The following WWP1 variants were observed in gnomAD, a reference collection of about 807,000 sequenced individuals.
The protein encoded by WWP1 is NEDD4-like E3 ubiquitin-protein ligase WWP1.
WWP1 carries 49 observed loss-of-function variants against 130.6 expected under a neutral mutation model. The ratio of observed to expected loss-of-function variants is 0.38; its 90% CI spans 0.30 to 0.48. WWP1 has a LOEUF of 0.48. Among genes scored for constraint, WWP1 ranks in the 20% least tolerant of loss-of-function variants. The pLI is 0.99. For synonymous variants in WWP1, 332 were observed against 367.8 expected (o/e 0.90, Z 1.11); for missense variants, 809 against 1,100.6 (o/e 0.74, Z 3.75).
chr8:86,409,226 C>CTTTTT (rs1230976832), intron 8 of WWP1, among the ~76,000 whole-genome samples: 569 of 100,522 alleles, frequency 5.7e-3, no homozygotes, highest in African/African-American at 0.012. Flanking sequence ...CTTTTTCTTT[C>CTTTTT]TTTTTTTTTT....
chr8:86,382,551 T>G (rs1379181804), intron 5 of WWP1, among the ~76,000 whole-genome samples: 1 of 152,150 alleles, frequency 6.6e-6, no homozygotes, highest in Non-Finnish European at 1.5e-5. Flanking sequence ...GTACAAAAAT[T>G]AGCTGAATGT....
intron 3 of WWP1, among the ~76,000 whole-genome samples, chr8:86,375,884 C>G (rs983771320): frequency 2.6e-5 from 4 of 152,176 alleles, no homozygotes; most frequent in African/African-American, 9.6e-5. Flanking sequence ...TCTACACCAG[C>G]TATACATGAC....
intron 5 of WWP1, among the ~76,000 whole-genome samples, chr8:86,390,783 C>T (rs964706898): frequency 6.6e-6 from 1 of 151,974 alleles, no homozygotes; most frequent in African/African-American, 2.4e-5. Flanking sequence ...TCTGACCACT[C>T]CCCCATTCTA....
intron 1 of WWP1, 172 bp downstream of exon 1, chr8:86,343,102 C>T (rs1298055179): frequency 3.4e-5 from 9 of 261,878 alleles, no homozygotes; most frequent in Admixed American, 2.2e-4. Context: ...TTCTCCAGCC[C>T]GGGAGTCGGG....
intron 22 of WWP1, among the ~76,000 whole-genome samples, chr8:86,458,713 A>T (rs575391942): frequency 6.6e-6 from 1 of 152,302 alleles, no homozygotes; most frequent in South Asian, 2.1e-4. Context: ...TTTTCAGGTG[A>T]AGAGTAATGC....
At chr8:86,430,948 G>A (rs980017120) in intron 12 of WWP1, among the ~76,000 whole-genome samples, 197 bp downstream of exon 12, 2 of 135,044 alleles carry the variant, frequency 1.5e-5, no homozygotes, top group African/African-American at 5.5e-5. Context: ...TATATATTCT[G>A]TAGAATGTTA....
intron 1 of WWP1, among the ~76,000 whole-genome samples, chr8:86,367,819 G>A (rs1203756460): frequency 6.6e-6 from 1 of 152,168 alleles, no homozygotes. Flanking sequence ...TGTTGTCCCT[G>A]AGGGCTTGTG....
intron 21 of WWP1, among the ~76,000 whole-genome samples, chr8:86,457,574 T>A (rs1418393238): frequency 1.3e-5 from 2 of 151,428 alleles, no homozygotes; most frequent in Non-Finnish European, 2.9e-5. Flanking sequence ...TATAAATCTA[T>A]ATATATAGAT....
At position 86,356,738 on chromosome 8, in the gene WWP1, A is replaced by G. The variant is rs141384149; in HGVS notation, c.-114-12201A>G. On this transcript the variant is annotated intron_variant, in intron 1 of 24. Transcript: ENST00000517970. The stretch of plus-strand genomic sequence containing the variant: ...TCTTTTCTTTCTAATGTTTTCTAGT[A>G]AACATAGTAACTGATATCCTTTCCT... Among the ~76,000 whole-genome samples, 1,321 of 152,320 alleles carry G rather than the reference A, an allele frequency of 8.7e-3. 10 individuals carry two copies. The highest frequency in any genetic ancestry group is 0.014 in the Non-Finnish European group (932 of 68,026).
rs151168868 is a variant in WWP1, at chr8:86,461,271, C to T, written c.2547C>T (p.Phe849=). The T allele has an allele frequency of 3.4e-5, 55 of 1,614,074 alleles. No individual in the cohort carries two copies. Among genetic ancestry groups the T allele is most frequent in the African/African-American group, 2.1e-4 (16 of 75,024 alleles). Residue 849 remains phenylalanine, a synonymous_variant, in exon 23 of 25, where the codon TTC becomes TTT. Transcript: ENST00000517970. The stretch of plus-strand genomic sequence containing the variant: ...AAGTAAGAATGCGACTATTGCAGTT[C>T]GTCACTGGAACCTGCCGTTTACCTC... ...DNEVRMRLLQ[F]VTGTCRLPLG... is the part of the protein sequence containing the mutation.
At chr8:86,396,214 T>A (rs375083198) in intron 5 of WWP1, among the ~76,000 whole-genome samples, 1 of 152,098 alleles carries the variant, frequency 6.6e-6, no homozygotes, top group East Asian at 1.9e-4. Context: ...TTCTCCTGCG[T>A]CAGCCTCCTA....
intron 8 of WWP1, among the ~76,000 whole-genome samples, chr8:86,405,424 G>C (rs1217159577): frequency 6.7e-6 from 1 of 149,584 alleles, no homozygotes; most frequent in Non-Finnish European, 1.5e-5. Context: ...TGGCTACTGT[G>C]CATATCTCTA....
At chr8:86,391,026 C>T (rs964676115) in intron 5 of WWP1, among the ~76,000 whole-genome samples, 1 of 151,362 alleles carries the variant, frequency 6.6e-6, no homozygotes, top group East Asian at 1.9e-4. Flanking sequence ...TTTTTAATTT[C>T]TTCATCCTTG....
intron 9 of WWP1, among the ~76,000 whole-genome samples, chr8:86,419,644 G>T (rs960139500): frequency 6.6e-6 from 1 of 152,176 alleles, no homozygotes; most frequent in African/African-American, 2.4e-5. Flanking sequence ...GTTCTAGAAA[G>T]AGAGAAAATG....
intron 9 of WWP1, among the ~76,000 whole-genome samples, chr8:86,424,791 C>T (rs942577956): frequency 2.3e-5 from 3 of 130,700 alleles, no homozygotes; most frequent in Admixed American, 8.3e-5. Flanking sequence ...AGAGGGAGAG[C>T]GTGGAAAGAG....
At chr8:86,433,900 A>G (rs1358163991) in intron 14 of WWP1, among the ~76,000 whole-genome samples, 1 of 152,114 alleles carries the variant, frequency 6.6e-6, no homozygotes, top group Non-Finnish European at 1.5e-5. Flanking sequence ...CCTAGGCAAC[A>G]AGAGCGAAAC....
rs143984118 is a variant in WWP1 at position 86,375,928 on chromosome 8, G to A, written c.70+1808G>A. Among the ~76,000 whole-genome samples, 486 of 152,288 alleles carry A rather than the reference G, an allele frequency of 3.2e-3. 2 individuals are homozygous for A. Among genetic ancestry groups the A allele is most frequent in the African/African-American group, 0.011 (468 of 41,566 alleles). On this transcript the variant is annotated intron_variant, in intron 3 of 24. Transcript: ENST00000517970. The stretch of plus-strand genomic sequence containing the variant: ...TTTTCCCAAAGCCTAACCAAAATCT[G>A]TTGTCAAGCTTTGGGATTGTTCATA...
intron 1 of WWP1, among the ~76,000 whole-genome samples, chr8:86,358,497 T>G (rs998961771): frequency 1.3e-5 from 2 of 151,706 alleles, no homozygotes; most frequent in African/African-American, 4.9e-5. Context: ...TTTTTTTCCT[T>G]TGGAGACAAG....
chr8:86,388,257 G>GTT (rs200843439), intron 5 of WWP1, among the ~76,000 whole-genome samples: 7 of 142,504 alleles, frequency 4.9e-5, no homozygotes, highest in Non-Finnish European at 9.2e-5. Flanking sequence ...CAGGTTGTCT[G>GTT]TTTTTTTTTT....
Sources: gnomAD v4.1 joint callset for allele counts (sites outside exome capture counted in the v4.1 genomes callset) on GRCh38, gnomAD v4.1.1 for gene constraint, MANE v1.5 for transcripts, NCBI Gene and HGNC (gene_info 2026-07-23, HGNC 2026-07-21) for gene names.